Variants in ZDHHC21 observed in about 807,000 individuals in gnomAD.
ZDHHC21 encodes the protein zDHHC palmitoyltransferase 21.
A neutral mutation model predicts 34.6 loss-of-function variants in ZDHHC21; 15 were observed. The ratio of observed to expected loss-of-function variants is 0.43; its 90% confidence interval spans 0.29 to 0.67. The LOEUF is 0.67. ZDHHC21 is among the 30% of genes least tolerant of loss of function. The pLI is 0.14. For missense variants in ZDHHC21, 344 were observed against 327.7 expected (o/e 1.05, Z -0.38); for synonymous variants, 142 against 101.8 (o/e 1.40, Z -2.38).
intron 9 of ZDHHC21, 145 bp from the exon 10 acceptor site, chr9:14,619,243 T>G: frequency 1.1e-6 from 1 of 920,928 alleles, no homozygotes; most frequent in Non-Finnish European, 1.5e-6. Context: ...TCTTTCATTA[T>G]GGCATGCAGC....
At chr9:14,604,359 CATT>C in the ZDHHC21 span, among the ~76,000 whole-genome samples, 2 of 152,194 alleles carry the variant, frequency 1.3e-5, no homozygotes, top group South Asian at 2.1e-4. Context: ...CCCAAATCTA[CATT>C]AATAAAGATG....
chr9:14,691,357 T>C (rs561306157), intron 1 of ZDHHC21, among the ~76,000 whole-genome samples: 39 of 152,378 alleles, frequency 2.6e-4, no homozygotes, highest in African/African-American at 9.1e-4. Context: ...GGTCCCTGGA[T>C]TGTAACTGCA....
chr9:14,672,552 T>C (rs148360154), intron 5 of ZDHHC21, among the ~76,000 whole-genome samples: 1 of 152,102 alleles, frequency 6.6e-6, no homozygotes, highest in East Asian at 1.9e-4. Flanking sequence ...CAATCTATGC[T>C]CCTGACCACC....
chr9:14,643,226 C>T (rs771419048), intron 7 of ZDHHC21, among the ~76,000 whole-genome samples: 95 of 151,966 alleles, frequency 6.3e-4, no homozygotes, highest in Non-Finnish European at 1.1e-3. Flanking sequence ...CCAGCCTGGG[C>T]AACAGAGTGA....
At chr9:14,669,549 G>T (rs1487151023) in intron 5 of ZDHHC21, among the ~76,000 whole-genome samples, 1 of 151,058 alleles carries the variant, frequency 6.6e-6, no homozygotes, top group African/African-American at 2.4e-5. Context: ...AAAGACACAT[G>T]CACACGTATG....
intron 8 of ZDHHC21, among the ~76,000 whole-genome samples, chr9:14,627,038 C>G (rs1211919565): frequency 6.6e-6 from 1 of 151,906 alleles, no homozygotes; most frequent in Non-Finnish European, 1.5e-5. Context: ...CAATGCTGAC[C>G]TGGAGCTGAG....
intron 8 of ZDHHC21, among the ~76,000 whole-genome samples, chr9:14,620,352 G>C (rs1038208797): frequency 7.3e-5 from 11 of 151,624 alleles, no homozygotes; most frequent in Admixed American, 2.0e-4. Context: ...GTTATCAGAA[G>C]ACTTATCATT....
Position 14,613,788 on chromosome 9 carries a change from T to C in ZDHHC21, c.*5178A>G, listed in dbSNP as rs1235760053. 2 of 151,832 alleles carry C rather than the reference T, an allele frequency of 1.3e-5. No homozygotes were observed. Among genetic ancestry groups the C allele is most frequent in the Admixed American group, 6.6e-5 (1 of 15,196 alleles). 9.4% of individuals were successfully genotyped at this position (151,832 alleles called of 1,614,324 possible). A position where few individuals can be genotyped will look rare whatever the true frequency, so the allele number is the denominator to read the frequency against. ...GACAAAATTTTCTATACACTCAGTA[T>C]CTTTTCTTTGCAATAAGAGATTTCC... On this transcript the variant is annotated 3_prime_UTR_variant, in exon 10 of 10. Coordinates refer to ENST00000380916, the MANE Select transcript of ZDHHC21 (RefSeq NM_178566.6).
intron 7 of ZDHHC21, among the ~76,000 whole-genome samples, chr9:14,656,614 T>A (rs1210729980): frequency 6.6e-6 from 1 of 151,944 alleles, no homozygotes; most frequent in African/African-American, 2.4e-5. Flanking sequence ...AGTACACCGC[T>A]TGATACAACA....
intron 3 of ZDHHC21, among the ~76,000 whole-genome samples, chr9:14,678,742 C>T (rs191151858): frequency 2.4e-3 from 367 of 152,056 alleles, no homozygotes; most frequent in African/African-American, 8.3e-3. Flanking sequence ...TCTGTAATCA[C>T]AAAAATATGG....
At chr9:14,667,440 C>A (rs1436744309) in intron 5 of ZDHHC21, among the ~76,000 whole-genome samples, 8 of 151,618 alleles carry the variant, frequency 5.3e-5, no homozygotes, top group Admixed American at 2.6e-4. Context: ...AACTGATACC[C>A]TTCCTTCTGA....
chr9:14,635,169 C>T (rs749651823), intron 8 of ZDHHC21, among the ~76,000 whole-genome samples: 3 of 152,078 alleles, frequency 2.0e-5, no homozygotes, highest in Non-Finnish European at 4.4e-5. Context: ...AGAACAAAGA[C>T]TACATGACAT....
At chr9:14,661,290 C>T (rs1296511166) in intron 6 of ZDHHC21, among the ~76,000 whole-genome samples, 3 of 151,936 alleles carry the variant, frequency 2.0e-5, no homozygotes, top group African/African-American at 7.3e-5. Flanking sequence ...AATAAGTTAT[C>T]AAAAATAAAG....
In ZDHHC21 at chr9:14,617,040, A is replaced by C. The variant is rs1356866867; in HGVS notation, c.*1926T>G. On this transcript the variant is annotated 3_prime_UTR_variant, in exon 10 of 10. Transcript: ENST00000380916. ...TTCACTTGGCTCTGCTGTTTTCTCA[A>C]GGTCTTTATTTGAAAGGAATGTATA... 1 of 151,802 alleles carries C rather than the reference A, an allele frequency of 6.6e-6. No individual in the cohort carries two copies. The highest frequency in any genetic ancestry group is 2.4e-5 in the African/African-American group (1 of 41,384). The allele number at this position is 151,802 out of a possible 1,614,324, so 9.4% of individuals were successfully genotyped here.
rs1000734187 is a variant in ZDHHC21 at position 14,617,478 on chromosome 9, T to G, written c.*1488A>C. On this transcript the variant is annotated 3_prime_UTR_variant, in exon 10 of 10. Coordinates refer to ENST00000380916, the MANE Select transcript of ZDHHC21 (RefSeq NM_178566.6). ...TGGCTGACAATGGTAACCTTCTGTT[T>G]AATTATTTCCCAGGTATTGTTCCTT... 13 of 151,998 alleles carry G rather than the reference T, an allele frequency of 8.6e-5. No individual in the cohort carries two copies. Among genetic ancestry groups the G allele is most frequent in the African/African-American group, 3.1e-4 (13 of 41,442 alleles). The allele number at this position is 151,998 out of a possible 1,614,324, so 9.4% of individuals were successfully genotyped here.
the ZDHHC21 span, chr9:14,589,444 G>A: frequency 6.6e-6 from 1 of 152,170 alleles, no homozygotes; most frequent in East Asian, 1.9e-4. Flanking sequence ...TGTATAAGAG[G>A]GGAATCCAAG....
chr9:14,596,355 A>G, the ZDHHC21 span, among the ~76,000 whole-genome samples: 25 of 152,316 alleles, frequency 1.6e-4, no homozygotes, highest in Middle Eastern at 6.8e-3. Flanking sequence ...GCAAGCCGCT[A>G]GGTTGTTGGT....
At chr9:14,597,272 C>G in the ZDHHC21 span, among the ~76,000 whole-genome samples, 8 of 152,138 alleles carry the variant, frequency 5.3e-5, no homozygotes, top group African/African-American at 1.7e-4. Flanking sequence ...GTCCCTGGAG[C>G]CCTGCTGCCA....
chr9:14,690,014 G>C (rs1174012408), intron 2 of ZDHHC21, among the ~76,000 whole-genome samples: 4 of 152,056 alleles, frequency 2.6e-5, no homozygotes, highest in African/African-American at 9.7e-5. Flanking sequence ...GTGGGAAAAG[G>C]GACTGAAAAG....
Sources: allele counts gnomAD v4.1 joint callset (sites outside exome capture counted in the v4.1 genomes callset), GRCh38; gene constraint gnomAD v4.1.1; transcripts MANE v1.5; gene names NCBI Gene and HGNC (gene_info 2026-07-23, HGNC 2026-07-21).